Variants in APC observed in about 807,000 individuals in gnomAD.
APC encodes adenomatous polyposis coli protein.
Under a neutral mutation model 247.0 loss-of-function variants are expected in APC, and 72 were observed. That is an observed-to-expected ratio of 0.29 (90% confidence interval 0.24 to 0.35). APC has a LOEUF of 0.35. Ranked by LOEUF, APC falls within the 10% of genes least tolerant of loss-of-function variation. The pLI, the probability that APC is intolerant of heterozygous loss-of-function variation, is 1.00. For missense variants in APC, 3,400 were observed against 3,360.7 expected, an observed-to-expected ratio of 1.01 and a Z score of -0.29; for synonymous variants, 1,254 against 1,162.5, an observed-to-expected ratio of 1.08 and a Z score of -1.60.
chr5:112,720,715 A>C (rs578195731), intron 1 of APC, among the ~76,000 whole-genome samples: 1 of 152,228 alleles, frequency 6.6e-6, no homozygotes, highest in Non-Finnish European at 1.5e-5. Context: ...TGGGAAGGCA[A>C]ACTTTCCAGG....
rs929404424 is a variant in APC at position 112,807,115 on chromosome 5, A to T, written c.834+5732A>T. 2.6e-5 allele frequency among the ~76,000 whole-genome samples: 4 copies of T among 151,168 alleles called. No individual in the cohort carries two copies. The East Asian group carries it at 7.8e-4, about 29-fold the overall frequency. ...ACCACTGCACTCTAGCCTGGGTGAC[A>T]GAGCAAGACTCTATCTCAAGGAAAA... On this transcript the variant is annotated intron_variant, in intron 8 of 15. Transcript: ENST00000257430.
At chr5:112,774,326 T>G (rs1361495467) in intron 4 of APC, among the ~76,000 whole-genome samples, 4 of 152,150 alleles carry the variant, frequency 2.6e-5, no homozygotes, top group African/African-American at 9.7e-5. Context: ...AAGGAAATGC[T>G]AATTAGAGCA....
At chr5:112,738,419 G>C (rs913379139) in intron 1 of APC, 1 of 985,766 alleles carries the variant, frequency 1.0e-6, no homozygotes, top group Non-Finnish European at 1.2e-6. Flanking sequence ...TGTGAATCTA[G>C]TGGAAAGAGC....
Position 112,845,438 on chromosome 5 carries a change from C to T in APC, c.*1312C>T, listed in dbSNP as rs541907159. The T allele has an allele frequency of 1.7e-5, 4 of 232,946 alleles. No homozygotes were observed. The highest frequency in any genetic ancestry group is 3.4e-5 in the Non-Finnish European group (4 of 117,746). The allele number at this position is 232,946 out of a possible 1,614,324, so 14.4% of individuals were successfully genotyped here. Reference sequence around the variant, plus strand: ...GCTTTACAGTGTAAACTGTCTTGCCCCTTCATCTTCTTGTTGCAACTGGGT... The same window carrying T: ...GCTTTACAGTGTAAACTGTCTTGCCTCTTCATCTTCTTGTTGCAACTGGGT... On this transcript the variant is annotated 3_prime_UTR_variant, in exon 16 of 16. Transcript: ENST00000257430.
At chr5:112,712,623 G>A (rs1259646117) in intron 1 of APC, among the ~76,000 whole-genome samples, 1 of 151,416 alleles carries the variant, frequency 6.6e-6, no homozygotes, top group Non-Finnish European at 1.5e-5. Flanking sequence ...CAAACTCCTG[G>A]GCTCAAGTGA....
At chr5:112,717,827 C>G (rs453097) in intron 1 of APC, among the ~76,000 whole-genome samples, 1 of 148,458 alleles carries the variant, frequency 6.7e-6, no homozygotes, top group Non-Finnish European at 1.5e-5. Context: ...CATATTCTGT[C>G]TCCTGTCATT....
chr5:112,770,069 T>G (rs547914854), intron 4 of APC, among the ~76,000 whole-genome samples: 3 of 152,206 alleles, frequency 2.0e-5, no homozygotes, highest in African/African-American at 4.8e-5. Flanking sequence ...CTTTGCTTTA[T>G]GTAGGCAAAG....
At chr5:112,785,183 AAAC>A (rs1376668429) in intron 6 of APC, among the ~76,000 whole-genome samples, 1 of 152,226 alleles carries the variant, frequency 6.6e-6, no homozygotes, top group East Asian at 1.9e-4. Flanking sequence ...CAAGTAGAAA[AAAC>A]AAAATAAGTG....
chr5:112,758,167 G>T (rs1581131934), intron 2 of APC, among the ~76,000 whole-genome samples: 1 of 152,148 alleles, frequency 6.6e-6, no homozygotes, highest in East Asian at 1.9e-4. Context: ...GAAATTTTTT[G>T]TAATGAAAAT....
chr5:112,776,416 A>G lies in APC; in HGVS notation c.531+679A>G, dbSNP rs80067367. Among the ~76,000 whole-genome samples the G allele has an allele frequency of 8.7e-4, 133 of 152,326 alleles. 1 individual carries two copies. The East Asian group carries it at 0.025, about 28-fold the overall frequency. ...TTAGATTACAGAAGTTTGTTCACCG[A>G]TTTATGACAGCAGGTCCTAAACTGC... On this transcript the variant is annotated intron_variant, in intron 5 of 15. Transcript: ENST00000257430.
intron 6 of APC, among the ~76,000 whole-genome samples, chr5:112,785,091 A>G (rs1174156763): frequency 6.6e-6 from 1 of 152,132 alleles, no homozygotes; most frequent in South Asian, 2.1e-4. Flanking sequence ...TAATGAGGTA[A>G]TCATTGTTGC....
intron 8 of APC, among the ~76,000 whole-genome samples, chr5:112,813,645 C>T (rs937445676): frequency 6.6e-6 from 1 of 151,820 alleles, no homozygotes; most frequent in Non-Finnish European, 1.5e-5. Flanking sequence ...TAGCTGGGCT[C>T]ATTGGCTCGT....
At position 112,843,913 on chromosome 5, in the gene APC, T is replaced by G. The variant is rs587780539; in HGVS notation, c.8319T>G (p.Pro2773=). Reference sequence around the variant, plus strand: ...GCAGCTCAAGCAAACACAGTTCACCTAGTGGGACTGTTGCTGCCAGAGTGA... The same window carrying G: ...GCAGCTCAAGCAAACACAGTTCACCGAGTGGGACTGTTGCTGCCAGAGTGA... ...SSSSSSKHSS[P]SGTVAARVTP... The change falls in exon 16 of 16, where the codon CCT becomes CCG. Residue 2773 remains proline (P), a synonymous_variant. Transcript: ENST00000257430. The surrounding 1 kb of genome is among the most constrained non-coding windows in gnomAD (Gnocchi z 4.8). 1 of 1,613,536 alleles carries G rather than the reference T, an allele frequency of 6.2e-7. No homozygotes were observed. Among genetic ancestry groups the G allele is most frequent in the Non-Finnish European group, 8.5e-7 (1 of 1,179,620 alleles).
In APC at chr5:112,843,240, G is replaced by A. The variant is rs199558585; in HGVS notation, c.7646G>A (p.Arg2549His). ...ATCAATAGGTCAGGAACCTGGAAAC[G>A]TGAGCACAGCAAACATTCATCATCC... Reference protein sequence around the residue: ...LPINRSGTWKREHSKHSSSLP... With the variant: ...LPINRSGTWKHEHSKHSSSLP... Residue 2549 changes from arginine (R) to histidine (H), a missense_variant, in exon 16 of 16, where the codon CGT becomes CAT. Around this residue, in one of 9 missense-constraint regions of APC, gnomAD observed 1,788 missense variants for 1,649.5 expected, o/e 1.08. Coordinates refer to ENST00000257430, the MANE Select transcript of APC (RefSeq NM_000038.6). The surrounding 1 kb of genome is among the most constrained non-coding windows in gnomAD (Gnocchi z 4.8). 1.6e-5 allele frequency: 26 copies of A among 1,613,828 alleles called. No homozygotes were observed. Among genetic ancestry groups the A allele is most frequent in the East Asian group, 2.2e-5 (1 of 44,872 alleles).
intron 14 of APC, among the ~76,000 whole-genome samples, chr5:112,831,028 A>G (rs1315701062): frequency 6.6e-6 from 1 of 152,142 alleles, no homozygotes; most frequent in Admixed American, 6.5e-5. Context: ...GAAGGATTTA[A>G]TGTGTGTGTG....
At chr5:112,713,203 A>G (rs913619624) in intron 1 of APC, among the ~76,000 whole-genome samples, 1 of 152,040 alleles carries the variant, frequency 6.6e-6, no homozygotes, top group African/African-American at 2.4e-5. Context: ...TCTCACATAA[A>G]AAGTCCAGAA....
intron 6 of APC, among the ~76,000 whole-genome samples, chr5:112,781,541 C>T (rs929038345): frequency 6.6e-6 from 1 of 151,976 alleles, no homozygotes; most frequent in Non-Finnish European, 1.5e-5. Context: ...TTGTTGTTTT[C>T]TTTTTTAACT....
chr5:112,829,180 C>T (rs1364985241), intron 14 of APC: 1 of 451,712 alleles, frequency 2.2e-6, no homozygotes, highest in South Asian at 2.1e-5. Flanking sequence ...TTTCTCTCGC[C>T]CAGGCTGGAG....
chr5:112,806,576 ATTT>A (rs2149729435), intron 8 of APC, among the ~76,000 whole-genome samples: 2 of 150,738 alleles, frequency 1.3e-5, no homozygotes, highest in East Asian at 3.9e-4. Context: ...TTATTTATTT[ATTT>A]ATTTATTTAT....
Sources: allele counts gnomAD v4.1 joint callset (sites outside exome capture counted in the v4.1 genomes callset), GRCh38; gene constraint gnomAD v4.1.1; regional missense constraint gnomAD v4.1.1; non-coding constraint Gnocchi (gnomAD v3.1); transcripts MANE v1.5; gene names NCBI Gene and HGNC (gene_info 2026-07-23, HGNC 2026-07-21).